Variants in SERPINB1 observed in about 807,000 individuals in gnomAD.
The protein encoded by SERPINB1 is leukocyte elastase inhibitor.
In SERPINB1, 23 loss-of-function variants were observed where a neutral mutation model predicts 25.9. That is an observed-to-expected ratio of 0.89 (90% CI 0.64 to 1.26). The LOEUF is 1.26. Ranked by LOEUF, SERPINB1 falls within the 50% of genes most tolerant of loss-of-function variation. The pLI is 0.00. For missense variants in SERPINB1, 399 were observed against 463.6 expected, an observed-to-expected ratio of 0.86 and a Z score of 1.28; for synonymous variants, 178 against 178.7, an observed-to-expected ratio of 1.00 and a Z score of 0.03.
At chr6:2,840,364 G>A in intron 2 of SERPINB1, 55 bp downstream of exon 2, 2 of 1,596,134 alleles carry the variant, frequency 1.3e-6, no homozygotes, top group Non-Finnish European at 1.7e-6. Flanking sequence ...CATGCAGACT[G>A]TCCATTCGTA....
In SERPINB1 at chr6:2,833,297, G is replaced by C. The variant is rs1320702632; in HGVS notation, c.*311C>G. 3 of 235,060 alleles carry C rather than the reference G, an allele frequency of 1.3e-5. No individual in the cohort carries two copies. Among genetic ancestry groups the C allele is most frequent in the Non-Finnish European group, 2.4e-5 (3 of 123,458 alleles). The allele number at this position is 235,060 out of a possible 1,614,324, so 14.6% of individuals were successfully genotyped here. On this transcript the variant is annotated 3_prime_UTR_variant, in exon 7 of 7. Coordinates refer to ENST00000380739, the MANE Select transcript of SERPINB1 (RefSeq NM_030666.4). ...TTATCATGTTTTCCCATGGCTATCA[G>C]GAGGATATAGCAATTTTATAGATTA...
chr6:2,834,684 T>C (rs891575801), intron 6 of SERPINB1, among the ~76,000 whole-genome samples: 1 of 152,248 alleles, frequency 6.6e-6, no homozygotes, highest in Non-Finnish European at 1.5e-5. Context: ...ATTTAAAATA[T>C]TTCTTCTATT....
chr6:2,835,537 C>T lies in SERPINB1; in HGVS notation c.735+319G>A, dbSNP rs34509930. Among the ~76,000 whole-genome samples, 1,184 of 152,258 alleles carry T rather than the reference C, an allele frequency of 7.8e-3. 6 individuals carry two copies. Among genetic ancestry groups the T allele is most frequent in the Middle Eastern group, 0.024 (7 of 292 alleles). ...CCACTGAAAGTAGCTGGCCATCTTT[C>T]TTGAAAAATGAAACGTTAGCCGGGC... On this transcript the variant is annotated intron_variant, in intron 6 of 6. Coordinates refer to ENST00000380739, the MANE Select transcript of SERPINB1 (RefSeq NM_030666.4).
chr6:2,836,346 A>C, intron 4 of SERPINB1, 96 bp from the exon 5 acceptor site: 1 of 1,250,870 alleles, frequency 8.0e-7, no homozygotes, highest in Non-Finnish European at 1.1e-6. Context: ...TCAAATATAT[A>C]ATTTCTACTT....
chr6:2,840,828 G>A (rs1166155165), intron 1 of SERPINB1, among the ~76,000 whole-genome samples: 1 of 152,136 alleles, frequency 6.6e-6, no homozygotes, highest in Non-Finnish European at 1.5e-5. Flanking sequence ...GGGCACCCAG[G>A]GTGCCCTAAA....
At chr6:2,839,994 AT>A (rs1487375854) in intron 2 of SERPINB1, among the ~76,000 whole-genome samples, 1 of 152,120 alleles carries the variant, frequency 6.6e-6, no homozygotes, top group African/African-American at 2.4e-5. Flanking sequence ...CCTATGTCTT[AT>A]TCCTCTCATT....
rs148457623 is a variant in SERPINB1 at position 2,835,962 on chromosome 6, T to A, written c.629A>T (p.Glu210Val). ...TTCCAGCACACGGCACTTAAGGTCC[T>A]CGATGTAGCCATATGCAAATTTTTT... ...QKKKFAYGYIEDLKCRVLELP... is the reference protein window; with the variant it reads ...QKKKFAYGYIVDLKCRVLELP... Residue 210 changes from glutamate to valine, a missense_variant, in exon 6 of 7, where the codon GAG (glutamate) becomes GTG (valine). Glu to Val is a moderately radical substitution (Grantham distance 121, BLOSUM62 -2). Transcript: ENST00000380739. 1.4e-5 allele frequency: 23 copies of A among 1,614,096 alleles called. No homozygotes were observed. The African/African-American group carries it at 1.7e-4, about 12-fold the overall frequency.
chr6:2,837,845 CCAGCG>C lies in SERPINB1; in HGVS notation c.424+32_424+36del. 2.1e-6 allele frequency: 3 copies of C among 1,447,678 alleles called. No individual in the cohort carries two copies. Among genetic ancestry groups the C allele is most frequent in the Non-Finnish European group, 2.9e-6 (3 of 1,029,126 alleles). 89.7% of individuals were successfully genotyped at this position (1,447,678 alleles called of 1,614,324 possible). A position where few individuals can be genotyped will look rare whatever the true frequency, so the allele number is the denominator to read the frequency against. On this transcript the variant is annotated intron_variant, in intron 4 of 6. Transcript: ENST00000380739. The surrounding 1 kb of genome is among the most constrained non-coding windows in gnomAD (Gnocchi z 4.3). ...CGGACTGAGGAAACGAATGACATGA[CCAGCG>C]CATAATGATTCCATTCTGCCCAGGC... is the stretch of plus-strand genomic sequence containing the variant.
intron 6 of SERPINB1, among the ~76,000 whole-genome samples, chr6:2,834,431 C>T (rs1766428782): frequency 6.6e-6 from 1 of 151,740 alleles, no homozygotes; most frequent in Non-Finnish European, 1.5e-5. Context: ...ACCTATTCAT[C>T]ATCCATCTAC....
intron 3 of SERPINB1, 104 bp downstream of exon 3, chr6:2,838,445 C>A (rs1766555906): frequency 8.8e-7 from 1 of 1,134,162 alleles, no homozygotes; most frequent in South Asian, 2.6e-5. Context: ...TATTGTTTTT[C>A]TGAAAGTTTA....
Position 2,840,513 on chromosome 6 carries a change from G to A in SERPINB1, c.74C>T (p.Ala25Val), listed in dbSNP as rs1237018137. The A allele has an allele frequency of 6.2e-7, 1 of 1,614,192 alleles. No individual in the cohort carries two copies. Among genetic ancestry groups the A allele is most frequent in the East Asian group, 2.2e-5 (1 of 44,878 alleles). ...LFLALSENNP[A>V]GNIFISPFSI... ...GAAGGGAGAGATGAAGATGTTTCCA[G>A]CCGGATTGTTCTCACTCAACGCCAG... Residue 25 changes from alanine (A) to valine (V), a missense_variant, in exon 2 of 7, where the codon GCT becomes GTT. Ala to Val is a moderately conservative substitution (Grantham distance 64). Coordinates refer to ENST00000380739, the MANE Select transcript of SERPINB1 (RefSeq NM_030666.4).
chr6:2,840,419 C>T lies in SERPINB1; in HGVS notation c.168G>A (p.Lys56=). 1.2e-6 allele frequency: 2 copies of T among 1,613,854 alleles called. No homozygotes were observed. Among genetic ancestry groups the T allele is most frequent in the East Asian group, 2.2e-5 (1 of 44,858 alleles). Residue 56 remains lysine, a splice_region_variant and synonymous_variant, in exon 2 of 7, where the codon AAG becomes AAA. Transcript: ENST00000380739. ...TRGNTAAQLS[K]TFHFNTVEEV... ...GACCCTTTTTTTTGTTTCTGCTGAC[C>T]TTGGACAGCTGTGCTGCCGTGTTAC... is the stretch of plus-strand genomic sequence containing the variant.
rs1397663912 is a variant in SERPINB1 at position 2,838,703 on chromosome 6, C to G, written c.169-17G>C. ...ATGGAAAGTCTAAAATAAAGAAAATCTTCTTTCTACAACCATTTATTTTGA... is the reference window on the plus strand; with the variant it reads ...ATGGAAAGTCTAAAATAAAGAAAATGTTCTTTCTACAACCATTTATTTTGA... On this transcript the variant is annotated splice_polypyrimidine_tract_variant and intron_variant, in intron 2 of 6. Coordinates refer to ENST00000380739, the MANE Select transcript of SERPINB1 (RefSeq NM_030666.4). 6.5e-7 allele frequency: 1 copy of G among 1,536,788 alleles called. No homozygotes were observed. The highest frequency in any genetic ancestry group is 8.8e-7 in the Non-Finnish European group (1 of 1,141,782).
chr6:2,834,822 T>G (rs941726398), intron 6 of SERPINB1, among the ~76,000 whole-genome samples: 9 of 152,222 alleles, frequency 5.9e-5, no homozygotes, highest in Non-Finnish European at 1.0e-4. Context: ...TACTTATATC[T>G]ACCTTATAGA....
chr6:2,834,612 T>G (rs1262489661), intron 6 of SERPINB1, among the ~76,000 whole-genome samples: 8 of 152,230 alleles, frequency 5.3e-5, no homozygotes, highest in Non-Finnish European at 5.9e-5. Flanking sequence ...CCTACCACAA[T>G]GGATTACAGT....
intron 3 of SERPINB1, 126 bp downstream of exon 3, chr6:2,838,422 TG>T: frequency 1.1e-6 from 1 of 871,940 alleles, no homozygotes; most frequent in Non-Finnish European, 1.6e-6. Flanking sequence ...GTTTTTGCCA[TG>T]TTTGCCTTCT....
In SERPINB1 at chr6:2,840,553, C is replaced by T. The variant is rs775777099; in HGVS notation, c.34G>A (p.Ala12Thr). ...CTCAACGCCAGGAACAGGTCCAAGGCGAAGCGGGTGTTTGCTGAGCTCAGC... is the reference window on the plus strand; with the variant it reads ...CTCAACGCCAGGAACAGGTCCAAGGTGAAGCGGGTGTTTGCTGAGCTCAGC... The part of the protein sequence containing the change: ...EQLSSANTRF[A>T]LDLFLALSEN... The change falls in exon 2 of 7, where the codon GCC becomes ACC. Residue 12 changes from alanine to threonine, a missense_variant. Coordinates refer to ENST00000380739, the MANE Select transcript of SERPINB1 (RefSeq NM_030666.4). The T allele has an allele frequency of 2.5e-6, 4 of 1,613,942 alleles. No individual in the cohort carries two copies. Among genetic ancestry groups the T allele is most frequent in the African/African-American group, 1.3e-5 (1 of 75,028 alleles).
chr6:2,836,449 G>C (rs1035208978), intron 4 of SERPINB1, among the ~76,000 whole-genome samples, 199 bp from the exon 5 acceptor site: 6 of 152,140 alleles, frequency 3.9e-5, no homozygotes, highest in African/African-American at 1.2e-4. Context: ...AGACAGACCA[G>C]GATGACACAC....
Position 2,835,982 on chromosome 6 carries a change from T to C in SERPINB1, c.609A>G (p.Lys203=). Residue 203 remains lysine (K), a synonymous_variant, in exon 6 of 7, where the codon AAA becomes AAG. Coordinates refer to ENST00000380739, the MANE Select transcript of SERPINB1 (RefSeq NM_030666.4). ...KTVKMMYQKK[K]FAYGYIEDLK... ...GGTCCTCGATGTAGCCATATGCAAA[T>C]TTTTTCTTCTGATACATCATTTTCA... The C allele has an allele frequency of 1.2e-6, 2 of 1,614,150 alleles. No homozygotes were observed. Among genetic ancestry groups the C allele is most frequent in the Non-Finnish European group, 8.5e-7 (1 of 1,180,026 alleles).
Sources: allele counts gnomAD v4.1 joint callset (sites outside exome capture counted in the v4.1 genomes callset), GRCh38; gene constraint gnomAD v4.1.1; non-coding constraint Gnocchi (gnomAD v3.1); transcripts MANE v1.5; gene names NCBI Gene and HGNC (gene_info 2026-07-23, HGNC 2026-07-21).